Variants in SLC2A11 observed in about 807,000 individuals in gnomAD.
The protein encoded by SLC2A11 is solute carrier family 2, facilitated glucose transporter member 11.
In SLC2A11, 43 loss-of-function variants were observed where a neutral mutation model predicts 52.1. The observed-to-expected ratio is 0.82, with a 90% CI of 0.65 to 1.06. The LOEUF is 1.06. Ranked by LOEUF, SLC2A11 falls within the 50% of genes least tolerant of loss-of-function variation. The pLI is 0.00. For missense variants in SLC2A11, 582 were observed against 654.2 expected (o/e 0.89, Z 1.20); for synonymous variants, 261 against 277.6 (o/e 0.94, Z 0.59).
At chr22:23,858,150 C>A in intron 1 of SLC2A11, 121 bp downstream of exon 1, 1 of 1,390,238 alleles carries the variant, frequency 7.2e-7, no homozygotes, top group Non-Finnish European at 1.0e-6. Context: ...TCAAAAATAT[C>A]GTGCTTGTAT....
At chr22:23,857,306 T>C (rs2031869325), upstream of SLC2A11, 1 of 995,038 alleles carries the variant, frequency 1.0e-6, no homozygotes, top group South Asian at 1.4e-5. Flanking sequence ...AGAGCCGGAA[T>C]TTCGGGGGAG....
rs1465494572 is a variant in SLC2A11, at chr22:23,882,879, G to A, written c.993+10G>A. ...CACGGCGGTTGTTAGTGTGAGTCTG[G>A]AGGGTGCCCTTCCTCCACCAGCCCT... On this transcript the variant is annotated intron_variant, in intron 8 of 11. Transcript: ENST00000316185. 6.2e-7 allele frequency: 1 copy of A among 1,605,030 alleles called. No individual in the cohort carries two copies. The highest frequency in any genetic ancestry group is 1.7e-5 in the Admixed American group (1 of 59,054).
At position 23,870,059 on chromosome 22, in the gene SLC2A11, GGAA is replaced by G. The variant is rs762012365; in HGVS notation, c.290+1421_290+1423del. ...GAAATTAAATTTCAACCTGAATTTT[GGAA>G]GAGACACAAACCTTCAAACCATAGC... On this transcript the variant is annotated intron_variant, in intron 3 of 11. Transcript: ENST00000316185. 592 of 717,388 alleles carry G rather than the reference GGAA, an allele frequency of 8.3e-4. 3 individuals are homozygous for G. The highest frequency in any genetic ancestry group is 6.5e-3 in the East Asian group (241 of 37,294). 44.4% of individuals were successfully genotyped at this position (717,388 alleles called of 1,614,324 possible). A position where few individuals can be genotyped will look rare whatever the true frequency, so the allele number is the denominator to read the frequency against.
chr22:23,877,598 G>C, intron 5 of SLC2A11, 123 bp from the exon 6 acceptor site: 1 of 1,285,264 alleles, frequency 7.8e-7, no homozygotes, highest in Non-Finnish European at 1.1e-6. Context: ...CCCAGACTTG[G>C]ATAGGAAGAG....
chr22:23,857,946 G>A lies in SLC2A11; in HGVS notation c.-54G>A, dbSNP rs2146098326. ...GGCTGCCGGCTCACCGCTTGCTAAT[G>A]GCAGCCGGGGTCTCCCTGGGACAGC... On this transcript the variant is annotated 5_prime_UTR_variant, in exon 1 of 12. It removes an upstream start codon present in the reference 5' UTR. Coordinates refer to ENST00000316185, the MANE Select transcript of SLC2A11 (RefSeq NM_001024939.4). 1.3e-6 allele frequency: 2 copies of A among 1,591,980 alleles called. No individual in the cohort carries two copies. The highest frequency in any genetic ancestry group is 2.3e-5 in the East Asian group (1 of 43,236).
At chr22:23,857,542 A>G, upstream of SLC2A11, 2 of 1,608,246 alleles carry the variant, frequency 1.2e-6, no homozygotes, top group Non-Finnish European at 1.7e-6. Flanking sequence ...GTGAGCTCCC[A>G]GCGGCGGCGA....
intron 1 of SLC2A11, 22 bp from the exon 2 acceptor site, chr22:23,862,082 G>A (rs2032087640): frequency 6.2e-7 from 1 of 1,609,800 alleles, no homozygotes; most frequent in East Asian, 2.2e-5. Flanking sequence ...TGGTCACTCT[G>A]TGTTCTCTCC....
Position 23,884,821 on chromosome 22 carries a change from T to C in SLC2A11, c.1472T>C (p.Leu491Pro), listed in dbSNP as rs2032948914. The change falls in exon 12 of 12, where the codon CTG (leucine) becomes CCG (proline). Residue 491 changes from leucine to proline, a missense_variant. Coordinates refer to ENST00000316185, the MANE Select transcript of SLC2A11 (RefSeq NM_001024939.4). This position sits in a 1 kb window ranked among gnomAD's most constrained non-coding sequence, Gnocchi z 4.3. ...GCCCAGGGCCCCACGTGGAGGAGCC[T>C]GGAGGTTATCCAGTCAACAGAACTC... ...RRAQGPTWRS[L>P]EVIQSTEL is the part of the protein sequence containing the mutation. 1.2e-6 allele frequency: 2 copies of C among 1,614,058 alleles called. No homozygotes were observed. Among genetic ancestry groups the C allele is most frequent in the African/African-American group, 2.7e-5 (2 of 74,934 alleles).
chr22:23,882,124 A>G lies in SLC2A11; in HGVS notation c.695-335A>G. On this transcript the variant is annotated intron_variant, in intron 6 of 11. Coordinates refer to ENST00000316185, the MANE Select transcript of SLC2A11 (RefSeq NM_001024939.4). ...CAGAGAGATTGAGAAAGACAGGCAG[A>G]GAGAGAGAGAAACACACACACACAG... 5.6e-6 allele frequency: 2 copies of G among 358,630 alleles called. 1 individual carries two copies. Among genetic ancestry groups the G allele is most frequent in the Non-Finnish European group, 9.7e-6 (2 of 206,052 alleles). 22.2% of individuals were successfully genotyped at this position (358,630 alleles called of 1,614,324 possible).
chr22:23,883,596 CT>C, intron 8 of SLC2A11, 175 bp from the exon 9 acceptor site: 1 of 537,792 alleles, frequency 1.9e-6, no homozygotes, highest in Non-Finnish European at 3.2e-6. Flanking sequence ...CGGAAACTGG[CT>C]GAAGTTGGGT....
At chr22:23,870,527 C>A (rs1038652740) in intron 3 of SLC2A11, 1 of 155,110 alleles carries the variant, frequency 6.4e-6, no homozygotes, top group Admixed American at 6.5e-5. Context: ...GAGTAAGCAC[C>A]GGGATGGTCA....
intron 6 of SLC2A11, 131 bp from the exon 7 acceptor site, chr22:23,882,328 A>G: frequency 2.6e-6 from 2 of 782,868 alleles, no homozygotes; most frequent in South Asian, 3.7e-5. Context: ...ACACACACAC[A>G]CACAGACAGA....
intron 2 of SLC2A11, among the ~76,000 whole-genome samples, chr22:23,863,586 C>T (rs1480142178): frequency 6.7e-6 from 1 of 150,016 alleles, no homozygotes. Flanking sequence ...GCTGTCCTGC[C>T]CCTGTTTTTT....
intron 8 of SLC2A11, chr22:23,883,140 T>C (rs1264747150): frequency 4.2e-6 from 2 of 471,688 alleles, no homozygotes. Flanking sequence ...CGGGCGCCTG[T>C]AATCCCAGGT....
At chr22:23,857,781 G>A (rs114594162), upstream of SLC2A11, 2,055 of 1,431,930 alleles carry the variant, frequency 1.4e-3, 30 homozygotes, top group African/African-American at 0.027. Context: ...ACCCTCAGCT[G>A]GTGCGGCCGC....
chr22:23,884,208 G>C lies in SLC2A11; in HGVS notation c.1172-94G>C. 4.0e-6 allele frequency: 6 copies of C among 1,515,286 alleles called. No homozygotes were observed. In the South Asian group the frequency reaches 7.6e-5, roughly 19 times the overall value. 93.9% of individuals were successfully genotyped at this position (1,515,286 alleles called of 1,614,324 possible). A position where few individuals can be genotyped will look rare whatever the true frequency, so the allele number is the denominator to read the frequency against. ...CTGAGGGGCCCCCCATACAGACTGG[G>C]CCTGGGCTCCCACTCCCATGTCTGG... On this transcript the variant is annotated intron_variant, in intron 10 of 11. Transcript: ENST00000316185. The surrounding 1 kb of genome is among the most constrained non-coding windows in gnomAD (Gnocchi z 4.3).
At chr22:23,874,951 C>T in intron 3 of SLC2A11, 166 bp from the exon 4 acceptor site, 1 of 665,990 alleles carries the variant, frequency 1.5e-6, no homozygotes. Context: ...GCTCTCATCT[C>T]ATTTGACAGC....
intron 3 of SLC2A11, chr22:23,868,874 T>G (rs2032360221): frequency 2.0e-6 from 1 of 501,592 alleles, no homozygotes; most frequent in African/African-American, 1.9e-5. Context: ...TCTAATTTCA[T>G]GTCTGCCAAC....
chr22:23,876,989 G>T, intron 4 of SLC2A11, 53 bp from the exon 5 acceptor site: 2 of 1,612,538 alleles, frequency 1.2e-6, no homozygotes, highest in Admixed American at 3.3e-5. Flanking sequence ...TGGGTGTCGT[G>T]GAGTGGGGGT....
Sources: allele counts gnomAD v4.1 joint callset (sites outside exome capture counted in the v4.1 genomes callset), GRCh38; gene constraint gnomAD v4.1.1; non-coding constraint Gnocchi (gnomAD v3.1); transcripts MANE v1.5; gene names NCBI Gene and HGNC (gene_info 2026-07-23, HGNC 2026-07-21).